SGSM1: variants seen among roughly 807,000 people sequenced by gnomAD.
SGSM1 encodes RUN and TBC1 domain containing 2.
A neutral mutation model predicts 133.8 loss-of-function variants in SGSM1; 73 were observed. That is an observed-to-expected ratio of 0.55 (90% CI 0.45 to 0.66). The LOEUF (loss-of-function observed/expected upper bound fraction) is 0.66, where lower values mean the gene tolerates loss of function less well. Among genes scored for constraint, SGSM1 ranks in the 30% least tolerant of loss-of-function variants. The probability of loss-of-function intolerance (pLI) is 0.00; values close to 1 mark genes in which losing one functional copy is unlikely to be tolerated. For synonymous variants in SGSM1, 563 were observed against 573.0 expected (o/e 0.98, Z 0.25); for missense variants, 1,213 against 1,448.1 (o/e 0.84, Z 2.64).
chr22:24,834,080 G>A (rs768665114), intron 2 of SGSM1, among the ~76,000 whole-genome samples: 60 of 152,362 alleles, frequency 3.9e-4, no homozygotes, highest in Non-Finnish European at 7.2e-4. Context: ...GCAGGTGGCC[G>A]CGCTCCTGCA....
chr22:24,924,156 C>A lies in SGSM1; in HGVS notation c.3194-30C>A, dbSNP rs375720544. On this transcript the variant is annotated intron_variant, in intron 24 of 24. Coordinates refer to ENST00000400358, the MANE Select transcript of SGSM1 (RefSeq NM_001098497.3). The stretch of plus-strand genomic sequence containing the variant: ...CCCTAAGACTGGACACAGAAGGAGG[C>A]TCATGAGATTTTTCTTTCTGCTCTT... 9 of 1,605,662 alleles carry A rather than the reference C, an allele frequency of 5.6e-6. No homozygotes were observed. The African/African-American group carries it at 1.2e-4, about 21-fold the overall frequency.
At chr22:24,858,513 G>A (rs567248752) in intron 8 of SGSM1, among the ~76,000 whole-genome samples, 10 of 152,054 alleles carry the variant, frequency 6.6e-5, no homozygotes, top group African/African-American at 2.2e-4. Flanking sequence ...GCAGGTGCCT[G>A]TAATCCCCAC....
chr22:24,904,619 C>G (rs1482604191), intron 20 of SGSM1, among the ~76,000 whole-genome samples: 4 of 150,956 alleles, frequency 2.6e-5, no homozygotes, highest in Non-Finnish European at 5.9e-5. Flanking sequence ...GTTGAGTATA[C>G]AGTAAGAGCT....
At chr22:24,861,640 T>C (rs1248986375) in intron 9 of SGSM1, among the ~76,000 whole-genome samples, 1 of 150,022 alleles carries the variant, frequency 6.7e-6, no homozygotes, top group Non-Finnish European at 1.5e-5. Flanking sequence ...CTCTGCTTCC[T>C]GGGTTCAAGC....
intron 2 of SGSM1, among the ~76,000 whole-genome samples, chr22:24,814,693 C>T (rs545077026): frequency 4.8e-4 from 73 of 152,320 alleles, no homozygotes; most frequent in African/African-American, 1.5e-3. Flanking sequence ...GACACTTTGC[C>T]GCCCTTTCTG....
chr22:24,820,984 C>G (rs1386808388), intron 2 of SGSM1, among the ~76,000 whole-genome samples: 1 of 152,196 alleles, frequency 6.6e-6, no homozygotes, highest in African/African-American at 2.4e-5. Flanking sequence ...TGGCAGGCCT[C>G]TCTGAGATGG....
At chr22:24,863,544 T>G (rs1931277790) in intron 9 of SGSM1, among the ~76,000 whole-genome samples, 1 of 152,152 alleles carries the variant, frequency 6.6e-6, no homozygotes, top group South Asian at 2.1e-4. Context: ...CCCTGGGCCA[T>G]GAACTCCTGT....
chr22:24,832,454 G>C (rs1929174449), intron 2 of SGSM1, among the ~76,000 whole-genome samples: 2 of 152,180 alleles, frequency 1.3e-5, no homozygotes, highest in Admixed American at 6.5e-5. Flanking sequence ...ATATGACCTT[G>C]GGCATGTTAC....
chr22:24,816,288 GGTTT>G (rs1224615305), intron 2 of SGSM1, among the ~76,000 whole-genome samples: 1 of 152,060 alleles, frequency 6.6e-6, no homozygotes, highest in Non-Finnish European at 1.5e-5. Context: ...AGCAGAGCAG[GGTTT>G]GTTAGCCAGC....
chr22:24,863,542 C>T (rs138802387), intron 9 of SGSM1, among the ~76,000 whole-genome samples: 42 of 152,206 alleles, frequency 2.8e-4, no homozygotes, highest in Non-Finnish European at 5.0e-4. Flanking sequence ...AGCCCTGGGC[C>T]ATGAACTCCT....
At chr22:24,848,689 C>G (rs1013933795) in intron 4 of SGSM1, among the ~76,000 whole-genome samples, 2 of 152,232 alleles carry the variant, frequency 1.3e-5, no homozygotes, top group African/African-American at 4.8e-5. Context: ...TGCTGTGATT[C>G]TGAAGCTGTG....
intron 23 of SGSM1, among the ~76,000 whole-genome samples, chr22:24,918,245 C>A (rs1933890372): frequency 6.6e-6 from 1 of 151,990 alleles, no homozygotes; most frequent in African/African-American, 2.4e-5. Context: ...TGGCTCATGC[C>A]CGTAATCCTA....
At chr22:24,865,529 C>T (rs923319695) in intron 9 of SGSM1, among the ~76,000 whole-genome samples, 3 of 152,182 alleles carry the variant, frequency 2.0e-5, no homozygotes, top group East Asian at 1.9e-4. Flanking sequence ...TCCCACTTTT[C>T]TCATTTCACA....
chr22:24,897,054 C>T (rs1932932648), intron 18 of SGSM1, among the ~76,000 whole-genome samples: 1 of 151,814 alleles, frequency 6.6e-6, no homozygotes, highest in African/African-American at 2.4e-5. Flanking sequence ...TATTGTCTCC[C>T]CTTATTTTGA....
At chr22:24,853,603 A>G (rs376623412) in intron 5 of SGSM1, among the ~76,000 whole-genome samples, 107 of 150,292 alleles carry the variant, frequency 7.1e-4, no homozygotes, top group African/African-American at 2.6e-3. Context: ...GCAGGAGGCA[A>G]AAGGCACTTC....
intron 24 of SGSM1, among the ~76,000 whole-genome samples, chr22:24,922,401 C>T (rs987724691): frequency 6.6e-5 from 10 of 150,956 alleles, no homozygotes; most frequent in African/African-American, 2.2e-4. Flanking sequence ...AGGATGGTCT[C>T]GATCTCTTGA....
chr22:24,884,883 G>A (rs1228824987), intron 15 of SGSM1, among the ~76,000 whole-genome samples: 1 of 152,020 alleles, frequency 6.6e-6, no homozygotes, highest in Non-Finnish European at 1.5e-5. Context: ...TCATCCTAGT[G>A]TGCACAAAAG....
chr22:24,913,299 AAAAAAAAAAAAGAAAG>A (rs1053869351), intron 22 of SGSM1, among the ~76,000 whole-genome samples: 4 of 146,196 alleles, frequency 2.7e-5, no homozygotes. Context: ...TCTCAAAAAA[AAAAAAAAAAAAGAAAG>A]AAAAAAAGAA....
chr22:24,908,999 G>A (rs1307615414), intron 21 of SGSM1, among the ~76,000 whole-genome samples: 1 of 152,154 alleles, frequency 6.6e-6, no homozygotes, highest in Non-Finnish European at 1.5e-5. Flanking sequence ...GTGAGCAGTA[G>A]GCTAGTGAGC....
Sources: allele counts gnomAD v4.1 joint callset (sites outside exome capture counted in the v4.1 genomes callset), GRCh38; gene constraint gnomAD v4.1.1; transcripts MANE v1.5; gene names NCBI Gene and HGNC (gene_info 2026-07-23, HGNC 2026-07-21).